Variants in CLYBL observed in about 807,000 individuals in gnomAD.
The protein encoded by CLYBL is citramalyl-CoA lyase, mitochondrial.
A neutral mutation model predicts 38.9 loss-of-function variants in CLYBL; 31 were observed. The observed-to-expected ratio is 0.80, with a 90% CI of 0.60 to 1.08. The LOEUF is 1.08. Ranked by LOEUF, CLYBL falls within the 50% of genes least tolerant of loss-of-function variation. The pLI, the probability that CLYBL is intolerant of heterozygous loss-of-function variation, is 0.00. For missense variants in CLYBL, 434 were observed against 411.6 expected (o/e 1.05, Z -0.47); for synonymous variants, 171 against 158.6 (o/e 1.08, Z -0.59).
chr13:99,689,374 A>G (rs1449505376), intron 1 of CLYBL, among the ~76,000 whole-genome samples: 3 of 152,226 alleles, frequency 2.0e-5, no homozygotes, highest in East Asian at 3.9e-4. Flanking sequence ...TTGCAATCAC[A>G]GACAGGTTGT....
At chr13:99,767,503 G>A (rs187775765) in intron 1 of CLYBL, among the ~76,000 whole-genome samples, 21 of 152,254 alleles carry the variant, frequency 1.4e-4, no homozygotes, top group Non-Finnish European at 2.5e-4. Flanking sequence ...ACCAAATTTG[G>A]AGAGTTTTCA....
At chr13:99,606,868 G>A (rs1007911997) in intron 1 of CLYBL, 111 bp downstream of exon 1, 2 of 1,276,780 alleles carry the variant, frequency 1.6e-6, no homozygotes, top group Admixed American at 4.3e-5. Flanking sequence ...CGGGAACCCA[G>A]CCGGACGGAA....
chr13:99,730,912 T>G (rs1297276738), intron 1 of CLYBL, among the ~76,000 whole-genome samples: 1 of 151,454 alleles, frequency 6.6e-6, no homozygotes, highest in African/African-American at 2.4e-5. Flanking sequence ...GTGAAACCCC[T>G]TCTCTACTAA....
intron 3 of CLYBL, among the ~76,000 whole-genome samples, chr13:99,861,644 A>T (rs1427650003): frequency 6.6e-6 from 1 of 152,168 alleles, no homozygotes; most frequent in Non-Finnish European, 1.5e-5. Flanking sequence ...TAAGGAGGTG[A>T]TGATGATGCC....
At chr13:99,817,670 A>AAG (rs1555312100) in intron 2 of CLYBL, among the ~76,000 whole-genome samples, 7 of 142,276 alleles carry the variant, frequency 4.9e-5, no homozygotes, top group Admixed American at 1.4e-4. Flanking sequence ...AAAAAAAAAA[A>AAG]AAAGAAAAGA....
intron 2 of CLYBL, among the ~76,000 whole-genome samples, chr13:99,845,200 G>GCAATTTC (rs1378816250): frequency 6.6e-6 from 1 of 152,082 alleles, no homozygotes; most frequent in African/African-American, 2.4e-5. Flanking sequence ...TTTGACGCAC[G>GCAATTTC]GTTTAGAGAA....
At chr13:99,744,290 A>G (rs766447364) in intron 1 of CLYBL, among the ~76,000 whole-genome samples, 6 of 152,044 alleles carry the variant, frequency 3.9e-5, no homozygotes, top group Non-Finnish European at 7.4e-5. Context: ...CTTTCTTTAA[A>G]ATGTTGGAGG....
chr13:99,813,021 C>T (rs2050372694), intron 2 of CLYBL, among the ~76,000 whole-genome samples: 1 of 152,152 alleles, frequency 6.6e-6, no homozygotes, highest in South Asian at 2.1e-4. Context: ...TTAGTTACAT[C>T]CTGCTAGGAG....
chr13:99,770,835 C>T (rs1339859969), intron 1 of CLYBL, among the ~76,000 whole-genome samples: 3 of 152,070 alleles, frequency 2.0e-5, no homozygotes, highest in Non-Finnish European at 4.4e-5. Context: ...GATTCTCCTG[C>T]CTCAGCCTCC....
chr13:99,833,030 A>ATTTTTTTTT (rs869061868), intron 2 of CLYBL, among the ~76,000 whole-genome samples: 1 of 35,870 alleles, frequency 2.8e-5, no homozygotes, highest in African/African-American at 1.4e-4. Flanking sequence ...ATATATATAT[A>ATTTTTTTTT]TTTTTTTTTT....
chr13:99,773,734 T>G (rs546635229), intron 2 of CLYBL, among the ~76,000 whole-genome samples: 2 of 152,320 alleles, frequency 1.3e-5, no homozygotes, highest in East Asian at 3.9e-4. Flanking sequence ...AAGTTCTTTC[T>G]TCTTCTTACC....
rs541345967 is a variant in CLYBL, at chr13:99,904,300, A to G, written c.*25-970A>G. ...AGCCAGACAGAACTCCCAGACCTCGAAAGGCGAAATGTGGCCCCTTCCATT... is the reference window on the plus strand; with the variant it reads ...AGCCAGACAGAACTCCCAGACCTCGGAAGGCGAAATGTGGCCCCTTCCATT... On this transcript the variant is annotated intron_variant and NMD_transcript_variant, in intron 8 of 9. Coordinates refer to the CLYBL transcript ENST00000689673. Among the ~76,000 whole-genome samples, 8 of 152,352 alleles carry G rather than the reference A, an allele frequency of 5.3e-5. No individual in the cohort carries two copies. The East Asian group carries it at 1.5e-3, about 29-fold the overall frequency.
In CLYBL at chr13:99,764,421, G is replaced by A. The variant is rs114612641; in HGVS notation, c.63-8403G>A. 3.7e-3 allele frequency among the ~76,000 whole-genome samples: 557 copies of A among 152,204 alleles called. 3 individuals carry two copies. Among genetic ancestry groups the A allele is most frequent in the African/African-American group, 0.013 (530 of 41,530 alleles). On this transcript the variant is annotated intron_variant, in intron 1 of 8. Transcript: ENST00000339105. ...TATTATGGCTTCAGTATCACTACTC[G>A]TTATTGGTTTATTGAGTTTTCCTAT...
At chr13:99,628,334 T>C (rs533441358) in intron 1 of CLYBL, among the ~76,000 whole-genome samples, 1 of 152,372 alleles carries the variant, frequency 6.6e-6, no homozygotes, top group East Asian at 1.9e-4. Flanking sequence ...GAGAGACGAC[T>C]TGATGACTTA....
chr13:99,762,468 C>T (rs962592970), intron 1 of CLYBL, among the ~76,000 whole-genome samples: 2 of 152,188 alleles, frequency 1.3e-5, no homozygotes, highest in Admixed American at 6.5e-5. Flanking sequence ...AGATGAGTTG[C>T]TCATAAATGC....
chr13:99,737,802 A>G (rs1477137837), intron 1 of CLYBL, among the ~76,000 whole-genome samples: 2 of 152,210 alleles, frequency 1.3e-5, no homozygotes, highest in East Asian at 3.8e-4. Context: ...GCTGAATGTG[A>G]TAAGGGAGGC....
intron 2 of CLYBL, among the ~76,000 whole-genome samples, chr13:99,827,806 G>C (rs1326987543): frequency 6.6e-6 from 1 of 152,252 alleles, no homozygotes; most frequent in Non-Finnish European, 1.5e-5. Context: ...ATGGGGTATG[G>C]TTCGGGAGGG....
chr13:99,703,731 A>T (rs1215802512), intron 1 of CLYBL, among the ~76,000 whole-genome samples: 1 of 151,898 alleles, frequency 6.6e-6, no homozygotes, highest in Non-Finnish European at 1.5e-5. Context: ...GATTATCTAT[A>T]TTTTTTCCTT....
intron 1 of CLYBL, among the ~76,000 whole-genome samples, chr13:99,709,556 A>G (rs951403961): frequency 6.6e-6 from 1 of 152,198 alleles, no homozygotes; most frequent in African/African-American, 2.4e-5. Flanking sequence ...TCCTAGCAAG[A>G]AGAGGTGCTC....
Sources: allele counts gnomAD v4.1 joint callset (sites outside exome capture counted in the v4.1 genomes callset), GRCh38; gene constraint gnomAD v4.1.1; transcripts MANE v1.5; gene names NCBI Gene and HGNC (gene_info 2026-07-23, HGNC 2026-07-21).